DMD: variants seen among roughly 807,000 people sequenced by gnomAD.
The protein encoded by DMD is mutant dystrophin.
A neutral mutation model predicts 330.1 loss-of-function variants in DMD; 63 were observed. That is an observed-to-expected ratio of 0.19 (90% confidence interval 0.16 to 0.24). DMD has a LOEUF of 0.24. Ranked by LOEUF, DMD falls within the 10% of genes least tolerant of loss-of-function variation. DMD has a pLI of 1.00. For synonymous variants in DMD, 1,223 were observed against 959.8 expected (o/e 1.27, Z -5.07); for missense variants, 3,344 against 2,684.1 (o/e 1.25, Z -5.43).
chrX:32,524,034 G>A (rs1013394825), intron 17 of DMD, among the ~76,000 whole-genome samples: 35 of 105,379 alleles, frequency 3.3e-4, no homozygotes, highest in African/African-American at 1.2e-3. Context: ...CCAGGTTCAC[G>A]CCATTCTCCT....
intron 1 of DMD, among the ~76,000 whole-genome samples, chrX:33,089,064 A>ATTT (rs747108325): frequency 0.12 from 10,467 of 86,351 alleles, 749 homozygotes; most frequent in African/African-American, 0.2. Context: ...TACTCAATTC[A>ATTT]TTTTTTTTTT....
intron 2 of DMD, among the ~76,000 whole-genome samples, chrX:32,939,071 T>A: frequency 9.1e-6 from 1 of 109,894 alleles, no homozygotes. Context: ...TATACTACAT[T>A]TATAATCACG....
intron 43 of DMD, among the ~76,000 whole-genome samples, chrX:32,268,683 T>C (rs1464159540): frequency 8.9e-6 from 1 of 112,047 alleles, no homozygotes; most frequent in African/African-American, 3.3e-5. Context: ...CAAGAATTTA[T>C]ATTATTAATA....
At chrX:32,756,729 C>A (rs1198691118) in intron 7 of DMD, among the ~76,000 whole-genome samples, 1 of 111,740 alleles carries the variant, frequency 8.9e-6, no homozygotes, top group Non-Finnish European at 1.9e-5. Context: ...AGGAAGCACT[C>A]CAAGCTACTT....
At chrX:33,066,002 T>C (rs989277052) in intron 1 of DMD, among the ~76,000 whole-genome samples, 1 of 110,084 alleles carries the variant, frequency 9.1e-6, no homozygotes, top group Non-Finnish European at 1.9e-5. Flanking sequence ...TAATATGATT[T>C]CATGAATTGA....
intron 66 of DMD, among the ~76,000 whole-genome samples, chrX:31,205,555 C>G (rs1313062614): frequency 1.8e-5 from 2 of 112,276 alleles, no homozygotes; most frequent in African/African-American, 6.5e-5. Flanking sequence ...CTAACCTATA[C>G]TAAGTAACTA....
In DMD at chrX:31,231,387, C is replaced by T. The variant is rs1195497584; in HGVS notation, c.9287-8266G>A. Among the ~76,000 whole-genome samples, 5 of 111,168 alleles carry T rather than the reference C, an allele frequency of 4.5e-5. No homozygotes were observed. The East Asian group carries it at 1.4e-3, about 31-fold the overall frequency. The stretch of plus-strand genomic sequence containing the variant: ...AAGTAATACTACTGATTAAAAAAGA[C>T]TCTTTAGGCAGAACTGTTTTATAAC... On this transcript the variant is annotated intron_variant, in intron 63 of 78. Transcript: ENST00000357033.
chrX:32,454,786 A>G lies in DMD; in HGVS notation c.3479T>C (p.Val1160Ala). ...EALKGGLEKT[V>A]SLQKDLSEMH... ...CTCTGATAGATCTTTCTGGAGGCTT[A>G]CAGTTTTCTCCAAACCTCCCTTCAA... is the stretch of plus-strand genomic sequence containing the variant. The change falls in exon 26 of 79, where the codon GTA becomes GCA. Residue 1160 changes from valine (V) to alanine (A), a missense_variant. By Grantham distance (64) the Val-to-Ala change is moderately conservative. Transcript: ENST00000357033. The G allele has an allele frequency of 8.3e-7, 1 of 1,207,333 alleles. No homozygotes were observed. The highest frequency in any genetic ancestry group is 1.1e-6 in the Non-Finnish European group (1 of 892,881).
At chrX:31,915,940 G>T (rs781689003) in intron 47 of DMD, among the ~76,000 whole-genome samples, 9 of 111,852 alleles carry the variant, frequency 8.0e-5, no homozygotes, top group African/African-American at 2.9e-4. Flanking sequence ...ATCAGGAGTT[G>T]TAACCTATTT....
intron 44 of DMD, among the ~76,000 whole-genome samples, chrX:32,012,197 T>A (rs1212178247): frequency 8.9e-6 from 1 of 112,453 alleles, no homozygotes; most frequent in African/African-American, 3.2e-5. Context: ...TCATAGACTT[T>A]ACTTAAGCCA....
At chrX:32,100,629 A>C (rs1409822603) in intron 44 of DMD, among the ~76,000 whole-genome samples, 1 of 110,939 alleles carries the variant, frequency 9.0e-6, no homozygotes, top group Non-Finnish European at 1.9e-5. Flanking sequence ...GCCTATTAAA[A>C]TATTGTTCAC....
intron 17 of DMD, among the ~76,000 whole-genome samples, chrX:32,528,325 T>C (rs1343503758): frequency 5.4e-5 from 6 of 110,792 alleles, no homozygotes; most frequent in Admixed American, 4.8e-4. Context: ...GAAAAAAAAA[T>C]AACATAGCTA....
At chrX:32,268,823 T>C (rs2097354341) in intron 43 of DMD, among the ~76,000 whole-genome samples, 1 of 110,108 alleles carries the variant, frequency 9.1e-6, no homozygotes, top group South Asian at 3.9e-4. Flanking sequence ...TAATAGAGAG[T>C]GAGTGTAATG....
intron 48 of DMD, among the ~76,000 whole-genome samples, chrX:31,870,086 C>G (rs1033922009): frequency 5.4e-5 from 6 of 111,577 alleles, no homozygotes; most frequent in African/African-American, 2.0e-4. Flanking sequence ...AACTGGCGTT[C>G]CTAAGTTTTT....
chrX:33,102,199 T>G (rs2095245681), intron 1 of DMD, among the ~76,000 whole-genome samples: 1 of 111,599 alleles, frequency 9.0e-6, no homozygotes, highest in Admixed American at 9.6e-5. Context: ...TTTCCTCTAT[T>G]TATTCCTTGA....
rs747486367 is a variant in DMD, at chrX:32,310,282, A to G, written c.5923-6T>C. On this transcript the variant is annotated splice_region_variant and splice_polypyrimidine_tract_variant and intron_variant, in intron 41 of 78. Transcript: ENST00000357033. ...GTTTCTTCACGGACAGTGTGCTGGT[A>G]TAGATATACAAAAGAACAATTTTTT... 18 of 1,201,367 alleles carry G rather than the reference A, an allele frequency of 1.5e-5. No homozygotes were observed. Among genetic ancestry groups the G allele is most frequent in the East Asian group, 3.0e-5 (1 of 33,489 alleles).
At chrX:32,894,408 C>A (rs1014292049) in intron 2 of DMD, among the ~76,000 whole-genome samples, 1 of 112,605 alleles carries the variant, frequency 8.9e-6, no homozygotes, top group African/African-American at 3.2e-5. Flanking sequence ...CCAGTGGTGG[C>A]AGACTGGACA....
At position 32,066,902 on chromosome X, in the gene DMD, A is replaced by G. The variant is rs1273281480; in HGVS notation, c.6439-98388T>C. ...TTTTAATATAAAAATGGATGAGAGA[A>G]GGAAGTTCCTAAATTCATACAAATC... On this transcript the variant is annotated intron_variant, in intron 44 of 78. Transcript: ENST00000357033. Among the ~76,000 whole-genome samples the G allele has an allele frequency of 3.6e-5, 4 of 111,660 alleles. No homozygotes were observed. In the Admixed American group the frequency reaches 3.8e-4, roughly 11 times the overall value.
At chrX:31,917,462 C>T (rs1660757308) in intron 47 of DMD, among the ~76,000 whole-genome samples, 1 of 111,460 alleles carries the variant, frequency 9.0e-6, no homozygotes, top group Admixed American at 9.5e-5. Context: ...TAATAAAAAC[C>T]AGGAGGAAAA....
Sources: gnomAD v4.1 joint callset for allele counts (sites outside exome capture counted in the v4.1 genomes callset) on GRCh38, gnomAD v4.1.1 for gene constraint, MANE v1.5 for transcripts, NCBI Gene and HGNC (gene_info 2026-07-23, HGNC 2026-07-21) for gene names.